Variants in CES5A observed in about 807,000 individuals in gnomAD.
CES5A encodes carboxylesterase 5A.
Under a neutral mutation model 62.9 loss-of-function variants are expected in CES5A, and 67 were observed. The ratio of observed to expected loss-of-function variants is 1.07; its 90% CI spans 0.88 to 1.31. The LOEUF is 1.31. Among genes scored for constraint, CES5A ranks in the 50% most tolerant of loss-of-function variants. The pLI, the probability that CES5A is intolerant of heterozygous loss-of-function variation, is 0.00. For synonymous variants in CES5A, 296 were observed against 280.8 expected, an observed-to-expected ratio of 1.05 and a Z score of -0.54; for missense variants, 748 against 708.5, an observed-to-expected ratio of 1.06 and a Z score of -0.63.
chr16:55,937,562 G>A (rs943359114), intron 2 of CES5A, among the ~76,000 whole-genome samples: 22 of 152,204 alleles, frequency 1.4e-4, no homozygotes, highest in African/African-American at 5.3e-4. Context: ...TGGGGATGGG[G>A]ACTGCCAGTT....
intron 1 of CES5A, among the ~76,000 whole-genome samples, chr16:55,902,124 T>C (rs1010499380): frequency 8.5e-5 from 13 of 152,204 alleles, no homozygotes; most frequent in African/African-American, 2.9e-4. Context: ...AGATTTTCCA[T>C]GTCCTCTCCT....
chr16:55,883,617 C>T (rs1416655133), intron 1 of CES5A, among the ~76,000 whole-genome samples: 1 of 152,172 alleles, frequency 6.6e-6, no homozygotes, highest in Non-Finnish European at 1.5e-5. Context: ...CTAATCTCTG[C>T]TATATCCCTC....
upstream of CES5A, among the ~76,000 whole-genome samples, chr16:55,876,752 C>T (rs770313589): frequency 2.8e-4 from 42 of 152,186 alleles, no homozygotes; most frequent in Non-Finnish European, 1.5e-4. Flanking sequence ...AGAGAGATCT[C>T]AGGGGGTGGT....
intron 1 of CES5A, among the ~76,000 whole-genome samples, chr16:55,896,752 G>C (rs1345049838): frequency 2.0e-5 from 3 of 152,070 alleles, no homozygotes; most frequent in African/African-American, 4.8e-5. Context: ...TAGACTAAAG[G>C]GTACATCCAT....
At chr16:55,875,613 A>T (rs1289621038), upstream of CES5A, among the ~76,000 whole-genome samples, 2 of 152,300 alleles carry the variant, frequency 1.3e-5, no homozygotes, top group Middle Eastern at 3.4e-3. Flanking sequence ...CAGGTCAGAG[A>T]AGCTGAGAAG....
At chr16:55,856,305 G>A in intron 9 of CES5A, 72 bp downstream of exon 9, 2 of 1,409,236 alleles carry the variant, frequency 1.4e-6, no homozygotes, top group East Asian at 4.6e-5. Context: ...GGCTTCTCCT[G>A]CTGAGTGTGA....
In CES5A at chr16:55,869,820, T is replaced by A. The variant is rs2033546656; in HGVS notation, c.418-76A>T. On this transcript the variant is annotated intron_variant, in intron 3 of 12. Transcript: ENST00000290567. ...TCCCCATGCAGTTTGAGGCACACGT[T>A]CTTAAGGTGAAATATAAATGTCCCA... 11 of 1,499,674 alleles carry A rather than the reference T, an allele frequency of 7.3e-6. No individual in the cohort carries two copies. The South Asian group carries it at 1.5e-4, about 20-fold the overall frequency. 92.9% of individuals were successfully genotyped at this position (1,499,674 alleles called of 1,614,324 possible).
At chr16:55,933,074 A>T (rs2034330929) in intron 2 of CES5A, among the ~76,000 whole-genome samples, 2 of 152,212 alleles carry the variant, frequency 1.3e-5, no homozygotes, top group African/African-American at 4.8e-5. Flanking sequence ...TCCAGTGTGA[A>T]TTGGGAAGTC....
intron 1 of CES5A, among the ~76,000 whole-genome samples, chr16:55,883,939 GT>G (rs542410219): frequency 1.3e-5 from 2 of 152,130 alleles, no homozygotes; most frequent in Non-Finnish European, 2.9e-5. Context: ...GCTCTCGTAG[GT>G]CCCCACTCTA....
intron 1 of CES5A, among the ~76,000 whole-genome samples, chr16:55,952,280 T>A (rs1345227181): frequency 2.0e-5 from 3 of 152,058 alleles, no homozygotes; most frequent in African/African-American, 7.2e-5. Flanking sequence ...ACCTAATTCA[T>A]GAAAATTTAT....
chr16:55,922,843 T>C (rs185119237), intron 1 of CES5A, among the ~76,000 whole-genome samples: 1 of 151,998 alleles, frequency 6.6e-6, no homozygotes, highest in Admixed American at 6.5e-5. Context: ...TCAAGTACCT[T>C]TTTTGATGAC....
intron 4 of CES5A, among the ~76,000 whole-genome samples, chr16:55,867,701 C>G (rs6499796): frequency 0.026 from 3,964 of 152,272 alleles, 106 homozygotes; most frequent in East Asian, 0.11. Flanking sequence ...CAGCCTCGAG[C>G]ACAGGATTCA....
intron 10 of CES5A, among the ~76,000 whole-genome samples, chr16:55,850,509 T>C (rs988467972): frequency 1.3e-5 from 2 of 152,208 alleles, no homozygotes; most frequent in African/African-American, 4.8e-5. Context: ...TTCTTTCACT[T>C]AGCAAAATGT....
At chr16:55,913,203 G>C (rs1331657292) in intron 1 of CES5A, among the ~76,000 whole-genome samples, 2 of 152,124 alleles carry the variant, frequency 1.3e-5, no homozygotes, top group Non-Finnish European at 2.9e-5. Context: ...TCATAGGGGG[G>C]TCGAAGTGAG....
chr16:55,880,730 C>T (rs534171030), intron 1 of CES5A, among the ~76,000 whole-genome samples: 5 of 152,290 alleles, frequency 3.3e-5, no homozygotes, highest in Admixed American at 3.3e-4. Flanking sequence ...GGTATAGAGG[C>T]AAGGGTAATT....
intron 1 of CES5A, among the ~76,000 whole-genome samples, chr16:55,893,291 C>T (rs2033899676): frequency 6.6e-6 from 1 of 151,868 alleles, no homozygotes; most frequent in South Asian, 2.1e-4. Context: ...CAGATCAGAC[C>T]TGTTTTCAAT....
intron 1 of CES5A, among the ~76,000 whole-genome samples, chr16:55,883,321 C>T (rs569973879): frequency 6.6e-6 from 1 of 152,300 alleles, no homozygotes; most frequent in East Asian, 1.9e-4. Flanking sequence ...TGTCACCAGG[C>T]TGGAGTGCAG....
chr16:55,854,537 T>TTCTTTC (rs2033198524), intron 9 of CES5A, among the ~76,000 whole-genome samples: 2 of 33,914 alleles, frequency 5.9e-5, no homozygotes, highest in African/African-American at 1.2e-4. Flanking sequence ...GTTTCTTTTT[T>TTCTTTC]TTTTTTCTTT....
At position 55,851,729 on chromosome 16, in the gene CES5A, C is replaced by T. The variant is rs533042046; in HGVS notation, c.1273+1152G>A. 2.1e-3 allele frequency among the ~76,000 whole-genome samples: 303 copies of T among 142,314 alleles called. 2 individuals carry two copies. Among genetic ancestry groups the T allele is most frequent in the African/African-American group, 8.0e-3 (257 of 32,238 alleles). The allele number at this position is 142,314 out of a possible 152,430, so 93.4% of individuals were successfully genotyped here. A position where few individuals can be genotyped will look rare whatever the true frequency, so the allele number is the denominator to read the frequency against. Reference sequence around the variant, plus strand: ...TCATTGCAGCATTATAGCCAATAGGCAAATGTAGCCAATAGCCAATTGTTC... The same window carrying T: ...TCATTGCAGCATTATAGCCAATAGGTAAATGTAGCCAATAGCCAATTGTTC... On this transcript the variant is annotated intron_variant, in intron 10 of 12. Transcript: ENST00000290567.
Sources: gnomAD v4.1 joint callset for allele counts (sites outside exome capture counted in the v4.1 genomes callset) on GRCh38, gnomAD v4.1.1 for gene constraint, MANE v1.5 for transcripts, NCBI Gene and HGNC (gene_info 2026-07-23, HGNC 2026-07-21) for gene names.